Variants in ADCY6 observed in about 807,000 individuals in gnomAD.
The protein encoded by ADCY6 is adenylate cyclase type 6.
Under a neutral mutation model 111.6 loss-of-function variants are expected in ADCY6, and 59 were observed. The ratio of observed to expected loss-of-function variants is 0.53; its 90% CI spans 0.43 to 0.66. The LOEUF (loss-of-function observed/expected upper bound fraction) is 0.66. ADCY6 is among the 30% of genes least tolerant of loss of function. ADCY6 has a pLI of 0.00. For missense variants in ADCY6, 1,242 were observed against 1,595.6 expected (o/e 0.78, Z 3.78); for synonymous variants, 576 against 642.9 (o/e 0.90, Z 1.57).
Position 48,783,089 on chromosome 12 carries a change from G to T in ADCY6, c.346C>A (p.Arg116=), listed in dbSNP as rs3730308. Residue 116 remains arginine, a synonymous_variant, in exon 2 of 22, where the codon CGA becomes AGA. Coordinates refer to ENST00000357869, the MANE Select transcript of ADCY6 (RefSeq NM_015270.5). Reference sequence around the variant, plus strand: ...TGCACCAGACGGCGCCAGCAGGATCGCCCACTCCTGGGCACCGCGTCGGGC... The same window carrying T: ...TGCACCAGACGGCGCCAGCAGGATCTCCCACTCCTGGGCACCGCGTCGGGC... ...VAPDAVPRSG[R]SCWRRLVQVF... 242,871 of 1,611,508 alleles carry T rather than the reference G, an allele frequency of 0.15. 19,561 individuals are homozygous for T. Among genetic ancestry groups the T allele is most frequent in the African/African-American group, 0.23 (17,397 of 75,004 alleles).
At chr12:48,772,619 G>A (rs1941581375) in intron 16 of ADCY6, 76 bp from the exon 17 acceptor site, 1 of 1,545,748 alleles carries the variant, frequency 6.5e-7, no homozygotes, top group Non-Finnish European at 8.9e-7. Flanking sequence ...GGGGAGACAA[G>A]AGACTGCATT....
intron 1 of ADCY6, among the ~76,000 whole-genome samples, chr12:48,784,767 GGTTCACACCATTC>G (rs1192292391): frequency 6.8e-6 from 1 of 146,836 alleles, no homozygotes; most frequent in Non-Finnish European, 1.5e-5. Context: ...CCGCCTCCCG[GGTTCACACCATTC>G]AGCCTCCCAA....
Position 48,772,436 on chromosome 12 carries a change from C to G in ADCY6, c.2658-12G>C. On this transcript the variant is annotated splice_polypyrimidine_tract_variant and intron_variant, in intron 17 of 21. Transcript: ENST00000357869. ...TCCCTGCAGCTGGACTAAGGATAAG[C>G]AGAGACATGCTTGGTGTCTGAAGGA... is the stretch of plus-strand genomic sequence containing the variant. 1 of 1,614,124 alleles carries G rather than the reference C, an allele frequency of 6.2e-7. No homozygotes were observed. The highest frequency in any genetic ancestry group is 8.5e-7 in the Non-Finnish European group (1 of 1,179,996).
intron 1 of ADCY6, among the ~76,000 whole-genome samples, chr12:48,785,950 A>C (rs1018233156): frequency 1.3e-5 from 2 of 151,938 alleles, no homozygotes. Flanking sequence ...AGGTGGGAGG[A>C]CTCCATGATG....
chr12:48,773,976 C>A lies in ADCY6; in HGVS notation c.2406G>T (p.Leu802=). The change falls in exon 15 of 22, where the codon CTG becomes CTT. Residue 802 remains leucine (L), a synonymous_variant. Transcript: ENST00000357869. Reference sequence around the variant, plus strand: ...TGCAGGTGGGCATGGTGCCCTCACACAGGGGAGCATCCAGGCCCAGAGAGT... The same window carrying A: ...TGCAGGTGGGCATGGTGCCCTCACAAAGGGGAGCATCCAGGCCCAGAGAGT... ...LNYSLGLDAP[L]CEGTMPTCSF... 1 of 1,613,898 alleles carries A rather than the reference C, an allele frequency of 6.2e-7. No homozygotes were observed. The highest frequency in any genetic ancestry group is 1.1e-5 in the South Asian group (1 of 91,010).
At chr12:48,775,171 G>GA in intron 11 of ADCY6, 117 bp from the exon 12 acceptor site, 1 of 1,474,156 alleles carries the variant, frequency 6.8e-7, no homozygotes, top group Non-Finnish European at 9.3e-7. Context: ...CTCAACTGAT[G>GA]AAATCCTCAC....
rs771553125 is a variant in ADCY6 at position 48,783,222 on chromosome 12, G to A, written c.213C>T (p.Ile71=). 3 of 1,608,236 alleles carry A rather than the reference G, an allele frequency of 1.9e-6. No individual in the cohort carries two copies. The South Asian group carries it at 3.3e-5, about 18-fold the overall frequency. ...TGCCCTTGCCTGGGCCGCCCCTCCG[G>A]ATGAAGGCGTCATCCTGCCAGGGGC... ...PRCPWQDDAF[I]RRGGPGKGKE... Residue 71 remains isoleucine, a synonymous_variant, in exon 2 of 22, where the codon ATC becomes ATT. Coordinates refer to ENST00000357869, the MANE Select transcript of ADCY6 (RefSeq NM_015270.5).
Position 48,776,596 on chromosome 12 carries a change from T to A in ADCY6, c.1377-10A>T. The A allele has an allele frequency of 6.2e-7, 1 of 1,601,350 alleles. No individual in the cohort carries two copies. The highest frequency in any genetic ancestry group is 1.1e-5 in the South Asian group (1 of 90,130). On this transcript the variant is annotated splice_polypyrimidine_tract_variant and intron_variant, in intron 6 of 21. Transcript: ENST00000357869. This position sits in a 1 kb window ranked among gnomAD's most constrained non-coding sequence, Gnocchi z 6.1. ...CACCTCACGTACCAGCCTGGGAGGATGCAGCCCCAGATCAGCTCCTGGCAG... is the reference window on the plus strand; with the variant it reads ...CACCTCACGTACCAGCCTGGGAGGAAGCAGCCCCAGATCAGCTCCTGGCAG...
At position 48,770,981 on chromosome 12, in the gene ADCY6, C is replaced by A. The variant is rs772566222; in HGVS notation, c.3052-11G>T. 5 of 1,611,102 alleles carry A rather than the reference C, an allele frequency of 3.1e-6. No homozygotes were observed. The Admixed American group carries it at 8.3e-5, about 27-fold the overall frequency. ...CTCCTCGCTGATAATCTGAACAACA[C>A]AAGGAGACCTGGCTGTCAAGGCAAA... On this transcript the variant is annotated splice_polypyrimidine_tract_variant and intron_variant, in intron 19 of 21. Coordinates refer to ENST00000357869, the MANE Select transcript of ADCY6 (RefSeq NM_015270.5).
Position 48,777,637 on chromosome 12 carries a change from T to C in ADCY6, c.1114A>G (p.Ile372Val). The part of the protein sequence containing the change: ...KEDMMFHKIY[I>V]QKHDNVSILF... ...TACCTGACATTGTCATGCTTCTGTA[T>C]GTAGATCTTGTGGAACATCATGTCT... The change falls in exon 4 of 22, where the codon ATA (isoleucine) becomes GTA (valine). Residue 372 changes from isoleucine to valine, a missense_variant. This residue lies in a region of ADCY6 where 260 missense variants were observed against 414.6 expected (regional missense o/e 0.63). Coordinates refer to ENST00000357869, the MANE Select transcript of ADCY6 (RefSeq NM_015270.5). The surrounding 1 kb of genome is among the most constrained non-coding windows in gnomAD (Gnocchi z 4.9). 6.2e-7 allele frequency: 1 copy of C among 1,613,600 alleles called. No homozygotes were observed. The highest frequency in any genetic ancestry group is 8.5e-7 in the Non-Finnish European group (1 of 1,180,040).
chr12:48,774,703 G>T lies in ADCY6; in HGVS notation c.2154C>A (p.Tyr718Ter), dbSNP rs1941646921. ...TCCCCTTACGTACAGAACCACAGGA[G>T]TACACAGCACAGATCAGCACGGTGA... ...LLITVLICAV[Y>*]SCGSLFPKAL... The change falls in exon 13 of 22, where the codon TAC (tyrosine) becomes TAA (stop). Residue 718 changes from tyrosine to a stop codon, truncating the protein, a stop_gained. Coordinates refer to ENST00000357869, the MANE Select transcript of ADCY6 (RefSeq NM_015270.5). LOFTEE classifies it high-confidence loss of function. 1 of 1,614,120 alleles carries T rather than the reference G, an allele frequency of 6.2e-7. No homozygotes were observed. The highest frequency in any genetic ancestry group is 8.5e-7 in the Non-Finnish European group (1 of 1,179,980).
intron 1 of ADCY6, among the ~76,000 whole-genome samples, chr12:48,787,574 C>G (rs1374394928): frequency 6.6e-6 from 1 of 152,174 alleles, no homozygotes; most frequent in Non-Finnish European, 1.5e-5. Context: ...CAGGGTAGAG[C>G]ACTGTTCCAA....
In ADCY6 at chr12:48,774,978, A is replaced by G; in HGVS notation, c.2057T>C (p.Ile686Thr). The change falls in exon 12 of 22, where the codon ATC (isoleucine) becomes ACC (threonine). Residue 686 changes from isoleucine (I) to threonine (T), a missense_variant. By Grantham distance (89) the Ile-to-Thr change is moderately conservative. This residue lies in a region of ADCY6 where 375 missense variants were observed against 432.5 expected (regional missense o/e 0.87). Coordinates refer to ENST00000357869, the MANE Select transcript of ADCY6 (RefSeq NM_015270.5). Reference protein sequence around the residue: ...ALLVFCFICFIQLLIFPHSTL... With the variant: ...ALLVFCFICFTQLLIFPHSTL... ...TCACTGTGGGAAGATGAGAAGCTGG[A>G]TGAAGCAGATGAAGCAGAAGACCAA... 6.4e-7 allele frequency: 1 copy of G among 1,556,482 alleles called. No individual in the cohort carries two copies. Among genetic ancestry groups the G allele is most frequent in the Non-Finnish European group, 8.7e-7 (1 of 1,149,694 alleles).
chr12:48,768,527 G>A lies in ADCY6; in HGVS notation c.*64C>T. ...GTGCCCCCTGCCACAGCTCCACCCA[G>A]TGAGCACAGAGTCCACTCAATGCCC... On this transcript the variant is annotated 3_prime_UTR_variant, in exon 22 of 22. Coordinates refer to ENST00000357869, the MANE Select transcript of ADCY6 (RefSeq NM_015270.5). 6.2e-7 allele frequency: 1 copy of A among 1,612,470 alleles called. No individual in the cohort carries two copies. Among genetic ancestry groups the A allele is most frequent in the Non-Finnish European group, 8.5e-7 (1 of 1,178,630 alleles).
Position 48,768,093 on chromosome 12 carries a change from A to T in ADCY6, c.*498T>A, listed in dbSNP as rs956059272. ...TGGCTGGGGTGGGGAAGTGCCCAGG[A>T]CCAGTGCTGGGGATGCAGGTATTGC... On this transcript the variant is annotated 3_prime_UTR_variant, in exon 22 of 22. Transcript: ENST00000357869. 5.2e-6 allele frequency: 1 copy of T among 191,160 alleles called. No homozygotes were observed. Among genetic ancestry groups the T allele is most frequent in the Non-Finnish European group, 1.1e-5 (1 of 91,036 alleles). The allele number at this position is 191,160 out of a possible 1,614,324, so 11.8% of individuals were successfully genotyped here. A position where few individuals can be genotyped will look rare whatever the true frequency, so the allele number is the denominator to read the frequency against.
In ADCY6 at chr12:48,777,093, G is replaced by A; in HGVS notation, c.1376+11C>T. 1.9e-6 allele frequency: 3 copies of A among 1,579,990 alleles called. No homozygotes were observed. The highest frequency in any genetic ancestry group is 1.3e-5 in the African/African-American group (1 of 74,184). ...CAATTCCAGGAAGCCTAGGAATGGG[G>A]CACTGCTTACGAGATGGCCTCAATC... On this transcript the variant is annotated intron_variant, in intron 6 of 21. Transcript: ENST00000357869. This position sits in a 1 kb window ranked among gnomAD's most constrained non-coding sequence, Gnocchi z 4.9.
At position 48,771,971 on chromosome 12, in the gene ADCY6, T is replaced by C; in HGVS notation, c.2790A>G (p.Ala930=). ...CCTCCATCTCCTCCTTCTCCCCTGTTGCCTGTGGACACCACACCCATCACC... is the reference window on the plus strand; with the variant it reads ...CCTCCATCTCCTCCTTCTCCCCTGTCGCCTGTGGACACCACACCCATCACC... ...ARLDFLWKLQ[A]TGEKEEMEEL... is the part of the protein sequence containing the mutation. Residue 930 remains alanine, a splice_region_variant and synonymous_variant, in exon 19 of 22, where the codon GCA becomes GCG. Transcript: ENST00000357869. The surrounding 1 kb of genome is among the most constrained non-coding windows in gnomAD (Gnocchi z 4.3). The C allele has an allele frequency of 6.2e-7, 1 of 1,607,392 alleles. No homozygotes were observed. Among genetic ancestry groups the C allele is most frequent in the Non-Finnish European group, 8.5e-7 (1 of 1,176,212 alleles).
rs1941528732 is a variant in ADCY6 at position 48,771,121 on chromosome 12, G to A, written c.3052-151C>T. The A allele has an allele frequency of 1.7e-5, 13 of 784,578 alleles. 1 individual carries two copies. Among genetic ancestry groups the A allele is most frequent in the Middle Eastern group, 3.6e-4 (1 of 2,740 alleles). 48.6% of individuals were successfully genotyped at this position (784,578 alleles called of 1,614,324 possible). ...CTGCTGCTATCAGTGTAAGACTGAGGAGCTGGGAAAACAGGCAGCCTAGGA... is the reference window on the plus strand; with the variant it reads ...CTGCTGCTATCAGTGTAAGACTGAGAAGCTGGGAAAACAGGCAGCCTAGGA... On this transcript the variant is annotated intron_variant, in intron 19 of 21. Coordinates refer to ENST00000357869, the MANE Select transcript of ADCY6 (RefSeq NM_015270.5). This position sits in a 1 kb window ranked among gnomAD's most constrained non-coding sequence, Gnocchi z 4.3.
Position 48,775,064 on chromosome 12 carries a change from A to G in ADCY6, c.1981-10T>C. The G allele has an allele frequency of 6.4e-7, 1 of 1,551,456 alleles. No individual in the cohort carries two copies. The highest frequency in any genetic ancestry group is 8.7e-7 in the Non-Finnish European group (1 of 1,146,280). On this transcript the variant is annotated splice_polypyrimidine_tract_variant and intron_variant, in intron 11 of 21. Transcript: ENST00000357869. ...CCACCTTCCGGGAGTACTGAGGGAG[A>G]GGAGGCTGAGCTGAGTGCTGGGCCC...
Sources: gnomAD v4.1 joint callset for allele counts (sites outside exome capture counted in the v4.1 genomes callset) on GRCh38, gnomAD v4.1.1 for gene constraint, gnomAD v4.1.1 regional missense constraint, Gnocchi (gnomAD v3.1) non-coding constraint, MANE v1.5 for transcripts, NCBI Gene and HGNC (gene_info 2026-07-23, HGNC 2026-07-21) for gene names.